Variants in NOL4L observed in about 807,000 individuals in gnomAD.
NOL4L encodes nucleolar protein 4-like.
A neutral mutation model predicts 64.5 loss-of-function variants in NOL4L; 7 were observed. The ratio of observed to expected loss-of-function variants is 0.11; its 90% CI spans 0.06 to 0.20. The LOEUF (loss-of-function observed/expected upper bound fraction) is 0.20. NOL4L is among the 10% of genes least tolerant of loss of function. The pLI is 1.00. For synonymous variants in NOL4L, 413 were observed against 401.0 expected, an observed-to-expected ratio of 1.03 and a Z score of -0.36; for missense variants, 680 against 967.1, an observed-to-expected ratio of 0.70 and a Z score of 3.94.
chr20:32,499,460 T>C (rs924472276), intron 4 of NOL4L, among the ~76,000 whole-genome samples: 1 of 151,978 alleles, frequency 6.6e-6, no homozygotes, highest in African/African-American at 2.4e-5. Context: ...AATTTTTGGC[T>C]GGGTGTGGTG....
intron 5 of NOL4L, among the ~76,000 whole-genome samples, chr20:32,472,254 G>A (rs903849503): frequency 3.3e-5 from 5 of 152,222 alleles, no homozygotes; most frequent in Non-Finnish European, 2.9e-5. Flanking sequence ...ACCGACAATG[G>A]GCCATGTTCG....
intron 1 of NOL4L, among the ~76,000 whole-genome samples, chr20:32,576,947 C>A (rs1980152497): frequency 6.6e-6 from 1 of 152,174 alleles, no homozygotes; most frequent in East Asian, 1.9e-4. Flanking sequence ...ACCCCTGCTG[C>A]CTTCACTCCC....
At chr20:32,562,647 G>GGGA (rs1979104150) in intron 1 of NOL4L, among the ~76,000 whole-genome samples, 1 of 151,916 alleles carries the variant, frequency 6.6e-6, no homozygotes, top group African/African-American at 2.4e-5. Flanking sequence ...TCTCCTCCCC[G>GGGA]GAGTCACCAG....
At chr20:32,546,681 G>A (rs924538586) in intron 1 of NOL4L, among the ~76,000 whole-genome samples, 1 of 152,074 alleles carries the variant, frequency 6.6e-6, no homozygotes, top group Non-Finnish European at 1.5e-5. Flanking sequence ...TGATCCACCC[G>A]GCTCAGCCTC....
At chr20:32,539,507 AC>A (rs1479388597) in intron 1 of NOL4L, among the ~76,000 whole-genome samples, 2 of 152,062 alleles carry the variant, frequency 1.3e-5, no homozygotes, top group Non-Finnish European at 2.9e-5. Context: ...CCACGTGATG[AC>A]CTTGCACATG....
At chr20:32,583,781 T>G (rs1980676028) in intron 1 of NOL4L, among the ~76,000 whole-genome samples, 1 of 147,874 alleles carries the variant, frequency 6.8e-6, no homozygotes, top group African/African-American at 2.5e-5. Flanking sequence ...CCTCCTCCCT[T>G]TAGGCGGCTG....
chr20:32,453,757 G>C lies in NOL4L; in HGVS notation c.1124C>G (p.Pro375Arg). The change falls in exon 7 of 11, where the codon CCC (proline) becomes CGC (arginine). Residue 375 changes from proline (P) to arginine (R), a missense_variant. Transcript: ENST00000621426. The surrounding 1 kb of genome is among the most constrained non-coding windows in gnomAD (Gnocchi z 5.6). ...KYGVKTTPES[P>R]PYSSGSYDSI... is the part of the protein sequence containing the mutation. The stretch of plus-strand genomic sequence containing the variant: ...ATCGTAGCTCCCAGAGCTGTAGGGG[G>C]GGGACTAAAAGGAGGGCAAGAGGCA... 6.4e-7 allele frequency: 1 copy of C among 1,552,866 alleles called. No individual in the cohort carries two copies. Among genetic ancestry groups the C allele is most frequent in the Non-Finnish European group, 8.7e-7 (1 of 1,147,512 alleles).
In NOL4L at chr20:32,559,356, G is replaced by A. The variant is rs188995102; in HGVS notation, c.321+25214C>T. ...CCAGGTATCCCCAAAGCCCAGCCTAGATGCTGGCACATAGTAGGTACTCAG... is the reference window on the plus strand; with the variant it reads ...CCAGGTATCCCCAAAGCCCAGCCTAAATGCTGGCACATAGTAGGTACTCAG... On this transcript the variant is annotated intron_variant, in intron 1 of 10. Transcript: ENST00000621426. 3.2e-3 allele frequency among the ~76,000 whole-genome samples: 482 copies of A among 152,296 alleles called. 5 individuals are homozygous for A. The highest frequency in any genetic ancestry group is 0.011 in the African/African-American group (450 of 41,560).
chr20:32,491,259 G>GTC (rs2016457704), intron 4 of NOL4L, among the ~76,000 whole-genome samples: 1 of 152,200 alleles, frequency 6.6e-6, no homozygotes, highest in Non-Finnish European at 1.5e-5. Flanking sequence ...TAGGAAGGAA[G>GTC]TCCCCAGGGT....
intron 4 of NOL4L, among the ~76,000 whole-genome samples, chr20:32,476,792 G>A (rs1180509510): frequency 6.6e-6 from 1 of 152,244 alleles, no homozygotes; most frequent in Non-Finnish European, 1.5e-5. Context: ...AAAGCACATG[G>A]AAGCAGGGCA....
intron 5 of NOL4L, among the ~76,000 whole-genome samples, chr20:32,461,324 G>A (rs568989516): frequency 3.3e-5 from 5 of 151,526 alleles, no homozygotes; most frequent in African/African-American, 9.7e-5. Flanking sequence ...TCCCCTTGGC[G>A]CAGTCCCTCA....
chr20:32,474,813 T>G, intron 4 of NOL4L, 71 bp from the exon 5 acceptor site: 1 of 1,499,696 alleles, frequency 6.7e-7, no homozygotes, highest in African/African-American at 1.4e-5. Context: ...GCCTTGTGGG[T>G]GGACCCCAGG....
rs147828168 is a variant in NOL4L at position 32,527,100 on chromosome 20, C to T, written c.477+658G>A. 1.3e-3 allele frequency among the ~76,000 whole-genome samples: 202 copies of T among 152,284 alleles called. No individual in the cohort carries two copies. The Middle Eastern group carries it at 0.017, about 13-fold the overall frequency. ...GTGTCACCTTCTCCACACAGTCCCC[C>T]GGGCTCATCTGTGTCTGGCGGTGCC... On this transcript the variant is annotated intron_variant, in intron 2 of 10. Transcript: ENST00000621426.
chr20:32,543,189 G>C (rs2018682679), intron 1 of NOL4L, among the ~76,000 whole-genome samples: 1 of 152,222 alleles, frequency 6.6e-6, no homozygotes, highest in Admixed American at 6.5e-5. Context: ...GCAAGGAGTG[G>C]GGCTGCGTGA....
At chr20:32,576,415 C>T (rs1026242802) in intron 1 of NOL4L, among the ~76,000 whole-genome samples, 3 of 152,020 alleles carry the variant, frequency 2.0e-5, no homozygotes, top group African/African-American at 7.2e-5. Flanking sequence ...AGAAAGGGGT[C>T]GGAAGTGACT....
intron 1 of NOL4L, among the ~76,000 whole-genome samples, chr20:32,544,734 C>T (rs892064548): frequency 1.3e-5 from 2 of 152,134 alleles, no homozygotes; most frequent in South Asian, 2.1e-4. Flanking sequence ...CCAGGTCACA[C>T]GGCTTGTCAA....
Position 32,485,085 on chromosome 20 carries a change from A to AAAAAAAAAAAAAAAAAAAAAAAC in NOL4L, c.700-10344_700-10343insGTTTTTTTTTTTTTTTTTTTTTT, listed in dbSNP as rs1568643237. On this transcript the variant is annotated intron_variant, in intron 4 of 10. Coordinates refer to ENST00000621426, the MANE Select transcript of NOL4L (RefSeq NM_001256798.2). The stretch of plus-strand genomic sequence containing the variant: ...AAAAAAAAAAAAAAAAAAAAAAAAA[A>AAAAAAAAAAAAAAAAAAAAAAAC]AACAACTAAAAAAAAACCCTGATAA... 4.2e-5 allele frequency among the ~76,000 whole-genome samples: 6 copies of AAAAAAAAAAAAAAAAAAAAAAAC among 144,410 alleles called. No individual in the cohort carries two copies. In the East Asian group the frequency reaches 6.3e-4, roughly 15 times the overall value. 94.7% of individuals were successfully genotyped at this position (144,410 alleles called of 152,430 possible). A position where few individuals can be genotyped will look rare whatever the true frequency, so the allele number is the denominator to read the frequency against.
At chr20:32,495,470 G>C (rs1426491680) in intron 4 of NOL4L, among the ~76,000 whole-genome samples, 1 of 152,184 alleles carries the variant, frequency 6.6e-6, no homozygotes, top group Non-Finnish European at 1.5e-5. Flanking sequence ...GGACGAAAGG[G>C]GTAGGTAGGC....
chr20:32,571,869 C>G (rs1055261927), intron 1 of NOL4L, among the ~76,000 whole-genome samples: 5 of 152,258 alleles, frequency 3.3e-5, no homozygotes, highest in Non-Finnish European at 7.3e-5. Context: ...CCAGCCTCGG[C>G]TGATGTGGAG....
Sources: allele counts gnomAD v4.1 joint callset (sites outside exome capture counted in the v4.1 genomes callset), GRCh38; gene constraint gnomAD v4.1.1; non-coding constraint Gnocchi (gnomAD v3.1); transcripts MANE v1.5; gene names NCBI Gene and HGNC (gene_info 2026-07-23, HGNC 2026-07-21).